Variants in RYR3 observed in about 807,000 individuals in gnomAD.
RYR3 encodes brain ryanodine receptor-calcium release channel.
In RYR3, 207 loss-of-function variants were observed where a neutral mutation model predicts 584.3. The ratio of observed to expected loss-of-function variants is 0.35; its 90% confidence interval spans 0.32 to 0.40. The LOEUF (loss-of-function observed/expected upper bound fraction) is 0.40. Among genes scored for constraint, RYR3 ranks in the 10% least tolerant of loss-of-function variants. RYR3 has a pLI of 1.00. For missense variants in RYR3, 5,616 were observed against 6,089.2 expected, an observed-to-expected ratio of 0.92 and a Z score of 2.59; for synonymous variants, 2,416 against 2,248.5, an observed-to-expected ratio of 1.07 and a Z score of -2.11.
At chr15:33,793,057 C>T (rs565280565) in intron 67 of RYR3, among the ~76,000 whole-genome samples, 3 of 152,270 alleles carry the variant, frequency 2.0e-5, no homozygotes, top group East Asian at 1.9e-4. Context: ...GTTCTCATGA[C>T]CTGGCTTGAT....
intron 32 of RYR3, 142 bp downstream of exon 32, chr15:33,653,025 C>T: frequency 1.4e-6 from 1 of 716,770 alleles, no homozygotes; most frequent in Non-Finnish European, 2.2e-6. Flanking sequence ...CTTAGGACAA[C>T]AAATAAACAA....
intron 1 of RYR3, among the ~76,000 whole-genome samples, chr15:33,449,229 G>A (rs1478390507): frequency 6.6e-6 from 1 of 152,140 alleles, no homozygotes; most frequent in African/African-American, 2.4e-5. Flanking sequence ...GCTGGGGGAG[G>A]ATCTACTTCC....
chr15:33,816,814 C>A (rs200943346), intron 74 of RYR3, 48 bp from the exon 75 acceptor site: 8 of 1,271,250 alleles, frequency 6.3e-6, no homozygotes, highest in Non-Finnish European at 9.0e-6. Context: ...ACTAAAAGAA[C>A]AAGTTCCATG....
chr15:33,775,481 G>A lies in RYR3; in HGVS notation c.9137+1866G>A, dbSNP rs377088391. Reference sequence around the variant, plus strand: ...TGTTTAGCCCTAGCAATGTACCAACGCTCAGCCTCTCATGTTCTCCCCCAG... The same window carrying A: ...TGTTTAGCCCTAGCAATGTACCAACACTCAGCCTCTCATGTTCTCCCCCAG... On this transcript the variant is annotated intron_variant, in intron 64 of 103. Coordinates refer to ENST00000634891, the MANE Select transcript of RYR3 (RefSeq NM_001036.6). Among the ~76,000 whole-genome samples the A allele has an allele frequency of 3.6e-3, 552 of 152,218 alleles. 4 individuals carry two copies. Among genetic ancestry groups the A allele is most frequent in the Non-Finnish European group, 5.9e-3 (402 of 68,010 alleles).
chr15:33,494,378 G>T (rs924619246), intron 2 of RYR3, among the ~76,000 whole-genome samples: 1 of 152,048 alleles, frequency 6.6e-6, no homozygotes, highest in Non-Finnish European at 1.5e-5. Flanking sequence ...TATTCCTTGT[G>T]TTGGAGTAAA....
Position 33,503,627 on chromosome 15 carries a change from A to C in RYR3, c.172-4A>C. ...GTATCCTCATTCTGATTTTATTTCCACAGTACATTCCTCCAGATCTCTGCG... is the reference window on the plus strand; with the variant it reads ...GTATCCTCATTCTGATTTTATTTCCCCAGTACATTCCTCCAGATCTCTGCG... On this transcript the variant is annotated splice_region_variant and splice_polypyrimidine_tract_variant and intron_variant, in intron 2 of 103. Coordinates refer to ENST00000634891, the MANE Select transcript of RYR3 (RefSeq NM_001036.6). 6.4e-7 allele frequency: 1 copy of C among 1,573,548 alleles called. No individual in the cohort carries two copies. Among genetic ancestry groups the C allele is most frequent in the Non-Finnish European group, 8.7e-7 (1 of 1,145,854 alleles).
At position 33,566,746 on chromosome 15, in the gene RYR3, C is replaced by G. The variant is rs1476873999; in HGVS notation, c.1215C>G (p.Ser405=). 4.3e-6 allele frequency: 7 copies of G among 1,613,674 alleles called. No individual in the cohort carries two copies. Among genetic ancestry groups the G allele is most frequent in the Non-Finnish European group, 5.9e-6 (7 of 1,179,660 alleles). Residue 405 remains serine, a synonymous_variant, in exon 12 of 104, where the codon TCC becomes TCG. Transcript: ENST00000634891. ...LTLQRCQREE[S]QAARIIRNTT... ...TGCAGAGATGCCAGCGTGAGGAGTC[C>G]CAGGCTGCTCGGATCATCCGGAACA...
In RYR3 at chr15:33,820,765, A is replaced by G; in HGVS notation, c.10768A>G (p.Ser3590Gly). The G allele has an allele frequency of 3.1e-6, 5 of 1,605,990 alleles. No individual in the cohort carries two copies. Among genetic ancestry groups the G allele is most frequent in the Non-Finnish European group, 4.3e-6 (5 of 1,176,182 alleles). ...YSSMMAKSCQ[S>G]GEDEEEDEDK... is the part of the protein sequence containing the mutation. The stretch of plus-strand genomic sequence containing the variant: ...GCTCCATGAAATCCAGAGTTGTCAA[A>G]GTGGTGAGGATGAAGAAGAAGATGA... Residue 3590 changes from serine to glycine, a missense_variant, in exon 78 of 104, where the codon AGT (serine) becomes GGT (glycine). Around this residue, in one of 9 missense-constraint regions of RYR3, gnomAD observed 954 missense variants for 1,132.2 expected, o/e 0.84. Coordinates refer to ENST00000634891, the MANE Select transcript of RYR3 (RefSeq NM_001036.6).
At chr15:33,694,002 C>T (rs936504261) in intron 38 of RYR3, among the ~76,000 whole-genome samples, 4 of 152,008 alleles carry the variant, frequency 2.6e-5, no homozygotes, top group South Asian at 4.2e-4. Context: ...AGCACAGTTC[C>T]GGAGCACCAG....
At chr15:33,826,628 G>T (rs778312062) in intron 83 of RYR3, 44 bp from the exon 84 acceptor site, 4 of 1,463,594 alleles carry the variant, frequency 2.7e-6, no homozygotes, top group Admixed American at 3.3e-5. Context: ...GTATTCTCTG[G>T]TGAGAAGCCA....
intron 1 of RYR3, among the ~76,000 whole-genome samples, chr15:33,318,494 G>A (rs1258654377): frequency 1.3e-5 from 2 of 152,224 alleles, no homozygotes; most frequent in Non-Finnish European, 2.9e-5. Context: ...TGAAGGAACA[G>A]GAATTGGGTT....
At chr15:33,624,557 A>G (rs917784285) in intron 20 of RYR3, among the ~76,000 whole-genome samples, 1 of 152,212 alleles carries the variant, frequency 6.6e-6, no homozygotes, top group Admixed American at 6.5e-5. Context: ...GACAGGTGGC[A>G]ATGCGTATTC....
At chr15:33,617,198 A>G (rs955414789) in intron 19 of RYR3, among the ~76,000 whole-genome samples, 6 of 151,910 alleles carry the variant, frequency 3.9e-5, no homozygotes, top group African/African-American at 1.5e-4. Context: ...GCGGATCATG[A>G]GGTCAGGAGA....
chr15:33,411,468 T>C (rs760251038), intron 1 of RYR3, among the ~76,000 whole-genome samples: 2 of 152,200 alleles, frequency 1.3e-5, no homozygotes, highest in African/African-American at 2.4e-5. Flanking sequence ...GCCACATGGA[T>C]GTGAGACAGA....
chr15:33,611,860 T>C (rs983099432), intron 18 of RYR3, among the ~76,000 whole-genome samples: 1 of 152,056 alleles, frequency 6.6e-6, no homozygotes, highest in Non-Finnish European at 1.5e-5. Context: ...AGTTTCACCA[T>C]GTTGGCCAGG....
intron 15 of RYR3, 115 bp from the exon 16 acceptor site, chr15:33,585,883 G>T (rs2058823990): frequency 1.6e-6 from 1 of 634,156 alleles, no homozygotes. Flanking sequence ...TAGATTCAAA[G>T]AATTGACGAT....
chr15:33,574,507 C>A (rs1224361431), intron 12 of RYR3, among the ~76,000 whole-genome samples: 2 of 152,200 alleles, frequency 1.3e-5, no homozygotes, highest in East Asian at 1.9e-4. Context: ...TGAGAACTTA[C>A]AATGTGCCAG....
At chr15:33,829,483 T>TCG (rs1365651605) in intron 85 of RYR3, among the ~76,000 whole-genome samples, 2 of 152,148 alleles carry the variant, frequency 1.3e-5, no homozygotes, top group African/African-American at 4.8e-5. Flanking sequence ...GCCCAGTGGC[T>TCG]CGCATCTGTA....
At chr15:33,818,163 C>A (rs2076918767) in intron 75 of RYR3, among the ~76,000 whole-genome samples, 1 of 152,090 alleles carries the variant, frequency 6.6e-6, no homozygotes, top group African/African-American at 2.4e-5. Flanking sequence ...CAGCCCAGCC[C>A]TTCAAAAGAA....
Sources: gnomAD v4.1 joint callset for allele counts (sites outside exome capture counted in the v4.1 genomes callset) on GRCh38, gnomAD v4.1.1 for gene constraint, gnomAD v4.1.1 regional missense constraint, MANE v1.5 for transcripts, NCBI Gene and HGNC (gene_info 2026-07-23, HGNC 2026-07-21) for gene names.